The following SRPK1 variants were observed in gnomAD, a reference collection of about 807,000 sequenced individuals.
SRPK1 encodes SRSF protein kinase 1, also known as SFRS protein kinase 1.
A neutral mutation model predicts 89.5 loss-of-function variants in SRPK1; 52 were observed. The ratio of observed to expected loss-of-function variants is 0.58; its 90% CI spans 0.46 to 0.73. SRPK1 has a LOEUF of 0.73. SRPK1 is among the 30% of genes least tolerant of loss of function. SRPK1 has a pLI of 0.00. For synonymous variants in SRPK1, 255 were observed against 270.2 expected, an observed-to-expected ratio of 0.94 and a Z score of 0.55; for missense variants, 603 against 780.6, an observed-to-expected ratio of 0.77 and a Z score of 2.71.
In SRPK1 at chr6:35,870,363, T is replaced by C. The variant is rs1487363632; in HGVS notation, c.909A>G (p.Pro303=). The change falls in exon 10 of 16, where the codon CCA becomes CCG. Residue 303 remains proline (P), a synonymous_variant. Coordinates refer to ENST00000373825, the MANE Select transcript of SRPK1 (RefSeq NM_003137.5). The part of the protein sequence containing the change: ...EKESGPGQKR[P]NKQEESESPV... ...GACTCTCTGATTCTTCTTGCTTGTT[T>C]GGTCTTTTTTGCCCAGGGCCCGACT... The C allele has an allele frequency of 1.2e-6, 2 of 1,610,778 alleles. No homozygotes were observed. The highest frequency in any genetic ancestry group is 1.7e-6 in the Non-Finnish European group (2 of 1,178,264).
At chr6:35,851,167 G>T (rs1331278453) in intron 13 of SRPK1, among the ~76,000 whole-genome samples, 6 of 148,996 alleles carry the variant, frequency 4.0e-5, no homozygotes, top group African/African-American at 1.5e-4. Flanking sequence ...AGTAAAAAGT[G>T]GTTGGTATTG....
chr6:35,859,128 A>G (rs767864281), intron 12 of SRPK1, among the ~76,000 whole-genome samples: 93 of 152,320 alleles, frequency 6.1e-4, no homozygotes, highest in Non-Finnish European at 4.9e-4. Flanking sequence ...ACATGGTATG[A>G]TCATGTAGCC....
At chr6:35,898,601 A>G (rs1240391917) in intron 2 of SRPK1, among the ~76,000 whole-genome samples, 3 of 152,092 alleles carry the variant, frequency 2.0e-5, no homozygotes. Flanking sequence ...GCATGGTGGC[A>G]GGCATCTGTA....
At chr6:35,877,166 G>A (rs1381178453) in intron 6 of SRPK1, among the ~76,000 whole-genome samples, 5 of 152,178 alleles carry the variant, frequency 3.3e-5, no homozygotes, top group Admixed American at 3.3e-4. Flanking sequence ...TAGTCACAGG[G>A]TATTGGGTAG....
chr6:35,908,527 A>G (rs2127267185), intron 2 of SRPK1, among the ~76,000 whole-genome samples: 1 of 152,370 alleles, frequency 6.6e-6, no homozygotes, highest in South Asian at 2.1e-4. Flanking sequence ...ATTTCTAAGC[A>G]GCAAAGCATT....
chr6:35,920,214 T>C (rs1224685750), intron 2 of SRPK1: 1 of 591,086 alleles, frequency 1.7e-6, no homozygotes, highest in South Asian at 1.5e-5. Flanking sequence ...GGAGGAAAGG[T>C]ACCGGGCGGG....
chr6:35,862,825 AAACAAC>A (rs138109026), intron 12 of SRPK1, among the ~76,000 whole-genome samples: 1 of 151,846 alleles, frequency 6.6e-6, no homozygotes, highest in Non-Finnish European at 1.5e-5. Context: ...AGATATCTTA[AAACAAC>A]AACAACAACA....
At chr6:35,885,304 G>C (rs111967726) in intron 6 of SRPK1, among the ~76,000 whole-genome samples, 26,981 of 116,322 alleles carry the variant, frequency 0.23, 2,491 homozygotes, top group South Asian at 0.3. Flanking sequence ...CACACAGAGA[G>C]AGAGAGAGAG....
intron 2 of SRPK1, 87 bp from the exon 3 acceptor site, chr6:35,891,100 A>G: frequency 6.9e-7 from 1 of 1,447,742 alleles, no homozygotes; most frequent in Non-Finnish European, 9.1e-7. Flanking sequence ...AAAAAACTAA[A>G]CTTTCAGATA....
In SRPK1 at chr6:35,916,082, G is replaced by A. The variant is rs1009676025; in HGVS notation, c.74+4386C>T. On this transcript the variant is annotated intron_variant, in intron 2 of 15. Transcript: ENST00000373825. ...AATTAAAATAAATTATGGTTGGCTG[G>A]ACACAGTGGTATGTGCCTGTAATCC... 5.7e-4 allele frequency among the ~76,000 whole-genome samples: 80 copies of A among 139,284 alleles called. 1 individual carries two copies. Among genetic ancestry groups the A allele is most frequent in the Non-Finnish European group, 1.1e-3 (66 of 62,302 alleles). The allele number at this position is 139,284 out of a possible 152,430, so 91.4% of individuals were successfully genotyped here.
At chr6:35,902,309 G>A (rs1256020154) in intron 2 of SRPK1, among the ~76,000 whole-genome samples, 2 of 151,728 alleles carry the variant, frequency 1.3e-5, no homozygotes, top group African/African-American at 4.8e-5. Flanking sequence ...GCTACTAAGG[G>A]AGCAGAGGCA....
chr6:35,836,260 GAC>G (rs1303392622), intron 15 of SRPK1, among the ~76,000 whole-genome samples: 1 of 152,044 alleles, frequency 6.6e-6, no homozygotes, highest in Non-Finnish European at 1.5e-5. Context: ...AATCTGAGGT[GAC>G]ACAGTTTTAT....
intron 2 of SRPK1, among the ~76,000 whole-genome samples, chr6:35,904,723 A>G (rs750912811): frequency 6.6e-6 from 1 of 152,010 alleles, no homozygotes; most frequent in African/African-American, 2.4e-5. Context: ...TGCTTGAACC[A>G]GGACCCGGGA....
intron 14 of SRPK1, among the ~76,000 whole-genome samples, chr6:35,840,126 A>T (rs1328181543): frequency 6.6e-6 from 1 of 152,240 alleles, no homozygotes; most frequent in Non-Finnish European, 1.5e-5. Context: ...CTGGCCAGAA[A>T]AAAAGCTTTA....
intron 2 of SRPK1, chr6:35,920,172 T>C (rs1448186424): frequency 1.9e-6 from 1 of 540,014 alleles, no homozygotes; most frequent in Non-Finnish European, 3.6e-6. Context: ...AGGTCCAAGC[T>C]AGGGGAGTTT....
At chr6:35,838,738 C>G (rs1769238281) in intron 14 of SRPK1, 1 of 1,414,358 alleles carries the variant, frequency 7.1e-7, no homozygotes, top group Non-Finnish European at 9.5e-7. Flanking sequence ...TGAATATTTC[C>G]CACTGAGGGA....
intron 15 of SRPK1, among the ~76,000 whole-genome samples, chr6:35,836,785 A>AATAATT (rs1554148799): frequency 2.3e-5 from 3 of 131,328 alleles, no homozygotes; most frequent in African/African-American, 6.0e-5. Flanking sequence ...TAATAATAAT[A>AATAATT]ATTTTTTTTA....
intron 2 of SRPK1, 103 bp downstream of exon 2, chr6:35,920,365 C>A (rs772451873): frequency 3.2e-5 from 42 of 1,332,344 alleles, no homozygotes; most frequent in Non-Finnish European, 4.4e-5. Context: ...GTGGCTGCAG[C>A]CACAGGGTGC....
chr6:35,913,669 G>GC (rs1561998949), intron 2 of SRPK1, among the ~76,000 whole-genome samples: 1 of 151,584 alleles, frequency 6.6e-6, no homozygotes, highest in African/African-American at 2.4e-5. Flanking sequence ...GTGGTGGCAC[G>GC]CACCTGTAAT....
Sources: allele counts gnomAD v4.1 joint callset (sites outside exome capture counted in the v4.1 genomes callset), GRCh38; gene constraint gnomAD v4.1.1; transcripts MANE v1.5; gene names NCBI Gene and HGNC (gene_info 2026-07-23, HGNC 2026-07-21).